NDST3: variants seen among roughly 807,000 people sequenced by gnomAD.
The protein encoded by NDST3 is N-deacetylase and N-sulfotransferase 3.
A neutral mutation model predicts 96.1 loss-of-function variants in NDST3; 58 were observed. The observed-to-expected ratio is 0.60, with a 90% CI of 0.49 to 0.75. NDST3 has a LOEUF of 0.75. Among genes scored for constraint, NDST3 ranks in the 30% least tolerant of loss-of-function variants. The pLI is 0.00. For missense variants in NDST3, 788 were observed against 1,034.2 expected, an observed-to-expected ratio of 0.76 and a Z score of 3.27; for synonymous variants, 333 against 359.7, an observed-to-expected ratio of 0.93 and a Z score of 0.84.
chr4:118,074,752 C>T (rs961591870), intron 2 of NDST3, among the ~76,000 whole-genome samples: 1 of 152,002 alleles, frequency 6.6e-6, no homozygotes, highest in South Asian at 2.1e-4. Context: ...AAGGTTAATA[C>T]TGATATGTAC....
At chr4:118,063,272 C>T (rs973821356) in intron 2 of NDST3, among the ~76,000 whole-genome samples, 3 of 149,760 alleles carry the variant, frequency 2.0e-5, no homozygotes, top group Non-Finnish European at 4.4e-5. Flanking sequence ...TACCAAAGCT[C>T]AACCAGACAA....
chr4:118,141,849 T>C (rs1016829937), intron 5 of NDST3, among the ~76,000 whole-genome samples: 3 of 152,162 alleles, frequency 2.0e-5, no homozygotes, highest in Admixed American at 2.0e-4. Context: ...GGAACTAGGA[T>C]ATGGATCTAG....
At chr4:118,064,967 C>A (rs1726188541) in intron 2 of NDST3, among the ~76,000 whole-genome samples, 1 of 152,088 alleles carries the variant, frequency 6.6e-6, no homozygotes, top group African/African-American at 2.4e-5. Context: ...TATTTCATGG[C>A]CACATCTCTC....
At chr4:118,124,658 C>T (rs991579714) in intron 4 of NDST3, among the ~76,000 whole-genome samples, 2 of 151,944 alleles carry the variant, frequency 1.3e-5, no homozygotes, top group African/African-American at 4.8e-5. Context: ...ATTTCATTGT[C>T]ATGGGTTTGG....
rs182619152 is a variant in NDST3 at position 118,058,131 on chromosome 4, A to G, written c.981+3240A>G. Among the ~76,000 whole-genome samples the G allele has an allele frequency of 9.9e-5, 15 of 152,098 alleles. No homozygotes were observed. In the East Asian group the frequency reaches 2.7e-3, roughly 27 times the overall value. ...TATTTTCCCTATTTGAAGTATTGGG[A>G]AAATTTAAAAGAATGTGAGAAAATC... On this transcript the variant is annotated intron_variant, in intron 2 of 13. Transcript: ENST00000296499.
intron 2 of NDST3, among the ~76,000 whole-genome samples, chr4:118,082,867 A>C (rs985246623): frequency 5.3e-5 from 8 of 152,106 alleles, no homozygotes; most frequent in African/African-American, 1.9e-4. Flanking sequence ...GGGAGCTTCT[A>C]ATTATGGCAG....
chr4:118,154,744 C>T (rs6842651), intron 6 of NDST3, among the ~76,000 whole-genome samples: 4,706 of 152,168 alleles, frequency 0.031, 262 homozygotes, highest in African/African-American at 0.11. Flanking sequence ...TATAGTATTC[C>T]GACCAGAACT....
At chr4:118,040,875 A>ATATATT (rs1189308493) in intron 1 of NDST3, among the ~76,000 whole-genome samples, 9 of 52,530 alleles carry the variant, frequency 1.7e-4, no homozygotes, top group East Asian at 1.8e-3. Flanking sequence ...TTTTATATAT[A>ATATATT]TATATATTTA....
At chr4:118,163,187 A>G (rs1249546991) in intron 6 of NDST3, among the ~76,000 whole-genome samples, 5 of 152,120 alleles carry the variant, frequency 3.3e-5, no homozygotes, top group South Asian at 2.1e-4. Context: ...GTGGAAGTCA[A>G]TGTGGCAATT....
chr4:118,066,252 T>C (rs1402239558), intron 2 of NDST3, among the ~76,000 whole-genome samples: 3 of 10,346 alleles, frequency 2.9e-4, no homozygotes, highest in African/African-American at 4.2e-4. Flanking sequence ...ATATATATTA[T>C]ATATTATATA....
chr4:118,131,523 A>C (rs1381269907), intron 4 of NDST3, among the ~76,000 whole-genome samples: 2 of 151,928 alleles, frequency 1.3e-5, no homozygotes, highest in Non-Finnish European at 2.9e-5. Context: ...AATTTCTTTG[A>C]GTTTCCTCAA....
intron 6 of NDST3, among the ~76,000 whole-genome samples, chr4:118,219,166 T>C (rs1739382118): frequency 6.6e-6 from 1 of 152,148 alleles, no homozygotes; most frequent in African/African-American, 2.4e-5. Flanking sequence ...ATTGACATTC[T>C]TCACAGAATT....
chr4:118,242,150 G>T lies in NDST3; in HGVS notation c.2399+1G>T, dbSNP rs1481295620. On this transcript the variant is annotated splice_donor_variant, in intron 12 of 13. Coordinates refer to ENST00000296499, the MANE Select transcript of NDST3 (RefSeq NM_004784.3). LOFTEE classifies it high-confidence loss of function. Reference sequence around the variant, plus strand: ...ATTATAATTACTCAGAAGCTTTAACGTAAGTTTATATTCTAATTAGTTTAT... The same window carrying T: ...ATTATAATTACTCAGAAGCTTTAACTTAAGTTTATATTCTAATTAGTTTAT... 1 of 1,557,818 alleles carries T rather than the reference G, an allele frequency of 6.4e-7. No individual in the cohort carries two copies. The highest frequency in any genetic ancestry group is 8.8e-7 in the Non-Finnish European group (1 of 1,134,700).
intron 6 of NDST3, among the ~76,000 whole-genome samples, chr4:118,152,633 G>C (rs1486602593): frequency 6.6e-6 from 1 of 152,074 alleles, no homozygotes; most frequent in African/African-American, 2.4e-5. Context: ...AATGAGAAAT[G>C]CTAATATTAA....
intron 2 of NDST3, among the ~76,000 whole-genome samples, chr4:118,082,853 C>T (rs1728130296): frequency 6.6e-6 from 1 of 152,054 alleles, no homozygotes; most frequent in Non-Finnish European, 1.5e-5. Flanking sequence ...CTGGGGAGGC[C>T]TCAGGGAGCT....
chr4:118,118,465 A>G (rs1731291524), intron 4 of NDST3, among the ~76,000 whole-genome samples: 3 of 152,340 alleles, frequency 2.0e-5, no homozygotes, highest in Admixed American at 1.3e-4. Context: ...TTACAGCCAC[A>G]TACCTGCTAT....
Position 118,128,381 on chromosome 4 carries a change from G to T in NDST3, c.1225-9673G>T, listed in dbSNP as rs1042137614. 2.6e-5 allele frequency among the ~76,000 whole-genome samples: 4 copies of T among 151,864 alleles called. No homozygotes were observed. In the East Asian group the frequency reaches 7.8e-4, roughly 30 times the overall value. On this transcript the variant is annotated intron_variant, in intron 4 of 13. Coordinates refer to ENST00000296499, the MANE Select transcript of NDST3 (RefSeq NM_004784.3). The stretch of plus-strand genomic sequence containing the variant: ...ACCTTCTATACCAAGTTTGTTGAGG[G>T]TTTTTTATCATGAAGGGATGTTCAA...
chr4:118,149,274 T>G (rs1734200448), intron 6 of NDST3, among the ~76,000 whole-genome samples: 2 of 151,634 alleles, frequency 1.3e-5, no homozygotes, highest in South Asian at 4.1e-4. Context: ...TAAAGTAGTT[T>G]TTTCCAATTC....
intron 6 of NDST3, among the ~76,000 whole-genome samples, chr4:118,184,214 T>C (rs1034577110): frequency 3.3e-5 from 5 of 152,284 alleles, no homozygotes; most frequent in African/African-American, 1.2e-4. Context: ...TCCTCTGCCA[T>C]GGTTAATCTT....
Sources: allele counts gnomAD v4.1 joint callset (sites outside exome capture counted in the v4.1 genomes callset), GRCh38; gene constraint gnomAD v4.1.1; transcripts MANE v1.5; gene names NCBI Gene and HGNC (gene_info 2026-07-23, HGNC 2026-07-21).